PGM2L1: variants seen among roughly 807,000 people sequenced by gnomAD.
PGM2L1 encodes phosphoglucomutase 2 like 1, also known as glucose 1,6-bisphosphate synthase.
A neutral mutation model predicts 73.4 loss-of-function variants in PGM2L1; 35 were observed. The ratio of observed to expected loss-of-function variants is 0.48; its 90% CI spans 0.36 to 0.63. The LOEUF is 0.63. Among genes scored for constraint, PGM2L1 ranks in the 30% least tolerant of loss-of-function variants. The probability of loss-of-function intolerance (pLI) is 0.00; values close to 1 mark genes in which losing one functional copy is unlikely to be tolerated. For missense variants in PGM2L1, 570 were observed against 742.0 expected (o/e 0.77, Z 2.69); for synonymous variants, 225 against 253.8 (o/e 0.89, Z 1.08).
At chr11:74,389,611 C>T (rs1342919744) in intron 1 of PGM2L1, among the ~76,000 whole-genome samples, 6 of 151,342 alleles carry the variant, frequency 4.0e-5, no homozygotes, top group Non-Finnish European at 8.8e-5. Flanking sequence ...TCACGCCCAG[C>T]TAATTTTTTG....
At position 74,338,886 on chromosome 11, in the gene PGM2L1, ATAGT is replaced by A. The variant is rs567463375; in HGVS notation, c.1633-289_1633-286del. 5.6e-3 allele frequency among the ~76,000 whole-genome samples: 854 copies of A among 152,356 alleles called. 3 individuals are homozygous for A. Among genetic ancestry groups the A allele is most frequent in the Middle Eastern group, 0.01 (3 of 294 alleles). On this transcript the variant is annotated intron_variant, in intron 12 of 13. Coordinates refer to ENST00000298198, the MANE Select transcript of PGM2L1 (RefSeq NM_173582.6). The stretch of plus-strand genomic sequence containing the variant: ...AACTATACACTTAAAAATGGTTAAG[ATAGT>A]TAATTTTTGTTATGTGTTTTTTTAA...
chr11:74,397,824 A>C, intron 1 of PGM2L1: 1 of 436,740 alleles, frequency 2.3e-6, no homozygotes, highest in Non-Finnish European at 3.7e-6. Flanking sequence ...AAGGGAGGTT[A>C]CAATTGAGAG....
At chr11:74,393,830 C>G (rs1262184485) in intron 1 of PGM2L1, among the ~76,000 whole-genome samples, 1 of 152,218 alleles carries the variant, frequency 6.6e-6, no homozygotes, top group Non-Finnish European at 1.5e-5. Context: ...ACCCCATCCA[C>G]TTTGCCAGTG....
At chr11:74,397,953 C>T (rs1863204581) in intron 1 of PGM2L1, 98 bp downstream of exon 1, 1 of 1,399,040 alleles carries the variant, frequency 7.1e-7, no homozygotes, top group African/African-American at 1.5e-5. Flanking sequence ...GTGTCCCGAG[C>T]CATCTCCTCT....
chr11:74,338,364 T>G (rs1043442934), intron 13 of PGM2L1, 104 bp downstream of exon 13: 2 of 1,120,462 alleles, frequency 1.8e-6, no homozygotes, highest in African/African-American at 3.1e-5. Context: ...TTGAACATAC[T>G]AAAAGCCACT....
intron 2 of PGM2L1, among the ~76,000 whole-genome samples, chr11:74,372,714 A>G (rs1862787865): frequency 6.6e-6 from 1 of 152,174 alleles, no homozygotes; most frequent in South Asian, 2.1e-4. Context: ...CATTCATTCA[A>G]CTAAAACTAA....
At chr11:74,383,486 A>C (rs1007962365) in intron 1 of PGM2L1, among the ~76,000 whole-genome samples, 2 of 152,166 alleles carry the variant, frequency 1.3e-5, no homozygotes, top group Non-Finnish European at 2.9e-5. Flanking sequence ...TTCCAGATAC[A>C]TGTGCCAGTT....
At chr11:74,360,312 C>T (rs369374414) in intron 5 of PGM2L1, among the ~76,000 whole-genome samples, 119 of 146,490 alleles carry the variant, frequency 8.1e-4, no homozygotes, top group Middle Eastern at 7.0e-3. Context: ...GAGGTAGGGA[C>T]GGAGGGAGGG....
Position 74,351,580 on chromosome 11 carries a change from G to C in PGM2L1, c.556-4C>G. On this transcript the variant is annotated splice_polypyrimidine_tract_variant and splice_region_variant and intron_variant, in intron 5 of 13. Coordinates refer to ENST00000298198, the MANE Select transcript of PGM2L1 (RefSeq NM_173582.6). ...GAGCACCAGTTTCCCAGTAAACCTA[G>C]ATGATAAGTAAATATAACCATAATT... 1 of 1,588,630 alleles carries C rather than the reference G, an allele frequency of 6.3e-7. No individual in the cohort carries two copies. Among genetic ancestry groups the C allele is most frequent in the Non-Finnish European group, 8.6e-7 (1 of 1,167,702 alleles).
At chr11:74,344,775 T>C (rs554809150) in intron 9 of PGM2L1, among the ~76,000 whole-genome samples, 7 of 152,310 alleles carry the variant, frequency 4.6e-5, no homozygotes, top group African/African-American at 1.7e-4. Context: ...TATTTTGCTA[T>C]TTGTGTTTTA....
At chr11:74,383,816 T>TATAAATAA (rs1335009051) in intron 1 of PGM2L1, among the ~76,000 whole-genome samples, 4 of 106,190 alleles carry the variant, frequency 3.8e-5, no homozygotes, top group African/African-American at 1.6e-4. Flanking sequence ...TATGGAGATA[T>TATAAATAA]ATAAATAAAT....
intron 4 of PGM2L1, among the ~76,000 whole-genome samples, chr11:74,369,185 T>C (rs891640325): frequency 3.9e-5 from 6 of 152,164 alleles, no homozygotes; most frequent in Admixed American, 3.9e-4. Context: ...GTGTCAGTGA[T>C]TGGTCACTGA....
chr11:74,353,703 C>T (rs1295701555), intron 5 of PGM2L1, among the ~76,000 whole-genome samples: 1 of 117,936 alleles, frequency 8.5e-6, no homozygotes, highest in Non-Finnish European at 2.0e-5. Flanking sequence ...TTTCTTAGTA[C>T]AGAACAAAAT....
Position 74,335,566 on chromosome 11 carries a change from A to G in PGM2L1, c.*1086T>C, listed in dbSNP as rs950574664. 6.6e-5 allele frequency: 10 copies of G among 152,238 alleles called. No individual in the cohort carries two copies. Among genetic ancestry groups the G allele is most frequent in the African/African-American group, 9.6e-5 (4 of 41,464 alleles). 9.4% of individuals were successfully genotyped at this position (152,238 alleles called of 1,614,324 possible). On this transcript the variant is annotated 3_prime_UTR_variant, in exon 14 of 14. Coordinates refer to ENST00000298198, the MANE Select transcript of PGM2L1 (RefSeq NM_173582.6). ...ACATGTAGTTTTAGTATTTCATAAT[A>G]CTTAAAATTTGGATGTTTTATTCTT...
intron 1 of PGM2L1, among the ~76,000 whole-genome samples, chr11:74,395,452 T>C (rs61901472): frequency 3.1e-3 from 462 of 151,446 alleles, no homozygotes; most frequent in Non-Finnish European, 5.3e-3. Context: ...AGTGGAACGA[T>C]CTCAGCTCAC....
Position 74,347,182 on chromosome 11 carries a change from T to G in PGM2L1, c.905A>C (p.Lys302Thr). 1 of 1,599,750 alleles carries G rather than the reference T, an allele frequency of 6.3e-7. No individual in the cohort carries two copies. The highest frequency in any genetic ancestry group is 1.3e-5 in the African/African-American group (1 of 74,650). Residue 302 changes from lysine to threonine, a missense_variant, in exon 7 of 14, where the codon AAA becomes ACA. Transcript: ENST00000298198. The part of the protein sequence containing the change: ...KDPDPDFSTV[K>T]CPNPEEGESV... ...TTCTCCTTCTTCAGGATTTGGACAT[T>G]TAACGGTAGAAAAGTCTGGATCAGG... is the stretch of plus-strand genomic sequence containing the variant.
intron 5 of PGM2L1, among the ~76,000 whole-genome samples, chr11:74,358,967 G>C (rs1245679906): frequency 6.6e-6 from 1 of 152,040 alleles, no homozygotes; most frequent in African/African-American, 2.4e-5. Context: ...GTGCCCAAAA[G>C]AAGTATGTGC....
chr11:74,354,885 T>C, intron 5 of PGM2L1: 2 of 859,902 alleles, frequency 2.3e-6, no homozygotes, highest in Non-Finnish European at 3.9e-6. Context: ...GAAAAGGGGC[T>C]TTGTCTTTGT....
intron 1 of PGM2L1, among the ~76,000 whole-genome samples, chr11:74,379,487 C>A (rs1862906668): frequency 6.6e-6 from 1 of 152,144 alleles, no homozygotes; most frequent in Non-Finnish European, 1.5e-5. Context: ...TATAAACCTA[C>A]TATTTTAATA....
Sources: allele counts gnomAD v4.1 joint callset (sites outside exome capture counted in the v4.1 genomes callset), GRCh38; gene constraint gnomAD v4.1.1; transcripts MANE v1.5; gene names NCBI Gene and HGNC (gene_info 2026-07-23, HGNC 2026-07-21).